MYRFL: variants seen among roughly 807,000 people sequenced by gnomAD.
MYRFL encodes the protein myelin regulatory factor-like protein.
A neutral mutation model predicts 109.4 loss-of-function variants in MYRFL; 88 were observed. The ratio of observed to expected loss-of-function variants is 0.80; its 90% CI spans 0.68 to 0.96. MYRFL has a LOEUF of 0.96. Among genes scored for constraint, MYRFL ranks in the 40% least tolerant of loss-of-function variants. MYRFL has a pLI of 0.00. For missense variants in MYRFL, 957 were observed against 954.9 expected, an observed-to-expected ratio of 1.00 and a Z score of -0.03; for synonymous variants, 324 against 320.9, an observed-to-expected ratio of 1.01 and a Z score of -0.10.
intron 10 of MYRFL, among the ~76,000 whole-genome samples, chr12:69,898,253 G>C (rs978035945): frequency 2.6e-5 from 4 of 152,168 alleles, no homozygotes; most frequent in Non-Finnish European, 5.9e-5. Flanking sequence ...AATTCCTTTT[G>C]TCAATTAAAA....
At chr12:69,941,833 T>A (rs1382327086) in intron 19 of MYRFL, among the ~76,000 whole-genome samples, 9 of 150,164 alleles carry the variant, frequency 6.0e-5, no homozygotes, top group African/African-American at 2.2e-4. Context: ...ATAGATGCAA[T>A]AAAAAATGAT....
rs760217887 is a variant in MYRFL at position 69,936,539 on chromosome 12, T to C, written c.2131T>C (p.Tyr711His). Residue 711 changes from tyrosine (Y) to histidine (H), a missense_variant, in exon 19 of 25, where the codon TAT (tyrosine) becomes CAT (histidine). Tyr to His is a moderately conservative substitution (Grantham distance 83). Coordinates refer to ENST00000552032, the MANE Select transcript of MYRFL (RefSeq NM_182530.3). The part of the protein sequence containing the change: ...FCEILPCQET[Y>H]CCPIRGMKEV... ...TGAAATCCTGCCGTGTCAGGAGACT[T>C]ATTGCTGCCCCATCCGGGGAATGAA... 4.0e-5 allele frequency: 61 copies of C among 1,536,046 alleles called. No individual in the cohort carries two copies. Among genetic ancestry groups the C allele is most frequent in the Admixed American group, 5.9e-5 (3 of 50,986 alleles).
At chr12:69,835,638 C>T (rs1882889597) in intron 1 of MYRFL, among the ~76,000 whole-genome samples, 1 of 152,194 alleles carries the variant, frequency 6.6e-6, no homozygotes, top group South Asian at 2.1e-4. Context: ...CAATGATCCT[C>T]TTTTTTTCTT....
Position 69,952,166 on chromosome 12 carries a change from G to A in MYRFL, c.2278G>A (p.Glu760Lys). Residue 760 changes from glutamate to lysine, a missense_variant, in exon 20 of 25, where the codon GAG (glutamate) becomes AAG (lysine). Transcript: ENST00000552032. ...AAATGCACTCAGCGGCCCTGACTGG[G>A]AGAGTGACTGTAAGTTGACATTTAA... is the stretch of plus-strand genomic sequence containing the variant. ...ARNALSGPDW[E>K]SDWIDTTISS... is the part of the protein sequence containing the mutation. 1 of 1,536,110 alleles carries A rather than the reference G, an allele frequency of 6.5e-7. No individual in the cohort carries two copies. Among genetic ancestry groups the A allele is most frequent in the Non-Finnish European group, 8.7e-7 (1 of 1,146,884 alleles).
rs1228045299 is a variant in MYRFL at position 69,879,363 on chromosome 12, G to A, written c.374G>A (p.Ser125Asn). ...GGFHSCHSNA[S>N]HLATPLDQSV... ...TTTCACAGCTGCCACTCAAACGCCA[G>A]TCATCTTGCCACCCCCCTGGACCAA... The change falls in exon 4 of 25, where the codon AGT becomes AAT. Residue 125 changes from serine (S) to asparagine (N), a missense_variant. By Grantham distance (46) the Ser-to-Asn change is conservative. Coordinates refer to ENST00000552032, the MANE Select transcript of MYRFL (RefSeq NM_182530.3). The A allele has an allele frequency of 1.4e-6, 1 of 702,914 alleles. No homozygotes were observed. Among genetic ancestry groups the A allele is most frequent in the Admixed American group, 2.0e-5 (1 of 50,002 alleles). The allele number at this position is 702,914 out of a possible 1,614,324, so 43.5% of individuals were successfully genotyped here.
intron 1 of MYRFL, among the ~76,000 whole-genome samples, chr12:69,831,322 T>C (rs1254270078): frequency 2.0e-5 from 3 of 152,162 alleles, no homozygotes; most frequent in African/African-American, 7.2e-5. Flanking sequence ...AGGTGAATGG[T>C]TGCAATAGAG....
In MYRFL at chr12:69,936,493, A is replaced by ATTGT. The variant is rs1404263684; in HGVS notation, c.2085_2086insTTGT (p.Val696LeufsTer4). On this transcript the variant is annotated frameshift_variant, in exon 19 of 25. Coordinates refer to ENST00000552032, the MANE Select transcript of MYRFL (RefSeq NM_182530.3). LOFTEE classifies it high-confidence loss of function. ...TGGTAACCACACCGGCCTCCTTACAAGTACCTGAAATTACTTTCTGTGAAA... is the reference window on the plus strand; with the variant it reads ...TGGTAACCACACCGGCCTCCTTACAATTGTGTACCTGAAATTACTTTCTGTGAAA... The ATTGT allele has an allele frequency of 1.3e-6, 2 of 1,536,088 alleles. No homozygotes were observed. The highest frequency in any genetic ancestry group is 3.9e-5 in the Admixed American group (2 of 50,980).
chr12:69,891,606 TC>T (rs1886835405), intron 7 of MYRFL, among the ~76,000 whole-genome samples: 2 of 31,148 alleles, frequency 6.4e-5, no homozygotes, highest in South Asian at 1.2e-3. Flanking sequence ...TCTTTCTTTC[TC>T]TTTCTTTCTT....
intron 1 of MYRFL, among the ~76,000 whole-genome samples, chr12:69,835,812 A>G (rs1882901982): frequency 6.6e-6 from 1 of 152,192 alleles, no homozygotes; most frequent in African/African-American, 2.4e-5. Context: ...CTAGGAGAGC[A>G]TACAGACGGG....
rs530921569 is a variant in MYRFL at position 69,945,977 on chromosome 12, A to G, written c.2225-6136A>G. 4.5e-3 allele frequency among the ~76,000 whole-genome samples: 415 copies of G among 91,906 alleles called. 5 individuals carry two copies. The highest frequency in any genetic ancestry group is 0.016 in the African/African-American group (378 of 23,040). 60.3% of individuals were successfully genotyped at this position (91,906 alleles called of 152,430 possible). A position where few individuals can be genotyped will look rare whatever the true frequency, so the allele number is the denominator to read the frequency against. On this transcript the variant is annotated intron_variant, in intron 19 of 24. Coordinates refer to ENST00000552032, the MANE Select transcript of MYRFL (RefSeq NM_182530.3). ...CCTCCAGCCTGGGCGACAGAGCGAG[A>G]CTCCGTCTCAAAAAAAAAAAAAAAA...
At chr12:69,879,790 A>G (rs1885946256) in intron 4 of MYRFL, among the ~76,000 whole-genome samples, 1 of 152,252 alleles carries the variant, frequency 6.6e-6, no homozygotes, top group Non-Finnish European at 1.5e-5. Context: ...ATATCTGCTA[A>G]TTAAGCATTA....
intron 5 of MYRFL, among the ~76,000 whole-genome samples, chr12:69,885,803 T>G (rs1312802286): frequency 6.6e-6 from 1 of 152,198 alleles, no homozygotes; most frequent in East Asian, 1.9e-4. Flanking sequence ...TATTGCACAC[T>G]AACAAGATTT....
chr12:69,932,631 G>T, intron 16 of MYRFL, 33 bp downstream of exon 16: 3 of 1,453,904 alleles, frequency 2.1e-6, no homozygotes, highest in Non-Finnish European at 2.8e-6. Context: ...GCCATGTCAA[G>T]CTCTTTTGTT....
Position 69,924,190 on chromosome 12 carries a change from GAAAAAAA to G in MYRFL, c.1603-2364_1603-2358del, listed in dbSNP as rs543542332. ...GGTGACACAGCAGGACTCCGTCTCA[GAAAAAAA>G]AAAAAAAAAAAAAAAATCGTAAAAT... On this transcript the variant is annotated intron_variant, in intron 13 of 24. Transcript: ENST00000552032. Among the ~76,000 whole-genome samples the G allele has an allele frequency of 2.0e-3, 163 of 79,880 alleles. 1 individual carries two copies. The highest frequency in any genetic ancestry group is 7.9e-3 in the African/African-American group (159 of 20,108). 52.4% of individuals were successfully genotyped at this position (79,880 alleles called of 152,430 possible). A position where few individuals can be genotyped will look rare whatever the true frequency, so the allele number is the denominator to read the frequency against.
chr12:69,938,241 C>G (rs1389450443), intron 19 of MYRFL, among the ~76,000 whole-genome samples: 1 of 152,238 alleles, frequency 6.6e-6, no homozygotes, highest in African/African-American at 2.4e-5. Context: ...CACATGGAAC[C>G]TTGTGGCTGG....
intron 1 of MYRFL, among the ~76,000 whole-genome samples, chr12:69,838,058 A>G (rs1883051770): frequency 6.6e-6 from 1 of 152,168 alleles, no homozygotes; most frequent in Non-Finnish European, 1.5e-5. Context: ...GCTAAAGACT[A>G]GGCCCTCAGA....
At chr12:69,910,417 A>T (rs2120388360) in intron 12 of MYRFL, among the ~76,000 whole-genome samples, 2 of 152,118 alleles carry the variant, frequency 1.3e-5, no homozygotes, top group South Asian at 4.2e-4. Context: ...GTGGAGGGAG[A>T]AGGTGGCAGG....
At chr12:69,886,417 A>G (rs1012977550) in intron 5 of MYRFL, among the ~76,000 whole-genome samples, 1 of 152,192 alleles carries the variant, frequency 6.6e-6, no homozygotes, top group African/African-American at 2.4e-5. Flanking sequence ...GAATTGGGAT[A>G]GGCCACATGT....
Position 69,936,288 on chromosome 12 carries a change from T to C in MYRFL, c.1997T>C (p.Ile666Thr). The C allele has an allele frequency of 1.3e-6, 2 of 1,536,086 alleles. No individual in the cohort carries two copies. The highest frequency in any genetic ancestry group is 1.7e-6 in the Non-Finnish European group (2 of 1,146,900). Residue 666 changes from isoleucine (I) to threonine (T), a missense_variant, in exon 18 of 25, where the codon ATC (isoleucine) becomes ACC (threonine). Ile to Thr is a moderately conservative substitution (Grantham distance 89). Transcript: ENST00000552032. The part of the protein sequence containing the change: ...RRVPNLPPSN[I>T]TSSQEPALLP... ...ATTTCATTCTTTTTCTCCAGCAATA[T>C]CACAAGCTCACAGGAGCCAGCTCTG...
Sources: allele counts gnomAD v4.1 joint callset (sites outside exome capture counted in the v4.1 genomes callset), GRCh38; gene constraint gnomAD v4.1.1; transcripts MANE v1.5; gene names NCBI Gene and HGNC (gene_info 2026-07-23, HGNC 2026-07-21).